VIT: variants seen among roughly 807,000 people sequenced by gnomAD.
The protein encoded by VIT is vitrin.
In VIT, 99 loss-of-function variants were observed where a neutral mutation model predicts 78.0. The observed-to-expected ratio is 1.27, with a 90% CI of 1.08 to 1.50. The LOEUF (loss-of-function observed/expected upper bound fraction) is 1.50. Ranked by LOEUF, VIT falls within the 40% of genes most tolerant of loss-of-function variation. The pLI, the probability that VIT is intolerant of heterozygous loss-of-function variation, is 0.00. For synonymous variants in VIT, 374 were observed against 334.3 expected, an observed-to-expected ratio of 1.12 and a Z score of -1.29; for missense variants, 1,126 against 875.3, an observed-to-expected ratio of 1.29 and a Z score of -3.61.
intron 7 of VIT, among the ~76,000 whole-genome samples, chr2:36,770,863 G>A (rs1421297044): frequency 6.6e-6 from 1 of 152,200 alleles, no homozygotes; most frequent in African/African-American, 2.4e-5. Context: ...ACAACCAAGG[G>A]TAGACCAGGG....
chr2:36,725,526 A>G (rs1314618455), intron 2 of VIT, among the ~76,000 whole-genome samples: 1 of 131,118 alleles, frequency 7.6e-6, no homozygotes, highest in African/African-American at 3.0e-5. Flanking sequence ...AAGACCTGTG[A>G]CCTCCCAAAG....
chr2:36,755,288 A>G (rs1668697425), intron 5 of VIT, among the ~76,000 whole-genome samples: 1 of 152,246 alleles, frequency 6.6e-6, no homozygotes, highest in South Asian at 2.1e-4. Context: ...ATTACACTGC[A>G]GTTATCTGTA....
At chr2:36,757,544 C>T (rs1431833340) in intron 5 of VIT, among the ~76,000 whole-genome samples, 4 of 152,312 alleles carry the variant, frequency 2.6e-5, no homozygotes, top group Non-Finnish European at 5.9e-5. Context: ...GGCCCACAGC[C>T]ATGGGGCCCT....
rs1669842425 is a variant in VIT, at chr2:36,772,879, C to T, written c.680-912C>T. Among the ~76,000 whole-genome samples, 3 of 152,230 alleles carry T rather than the reference C, an allele frequency of 2.0e-5. No homozygotes were observed. The South Asian group carries it at 6.2e-4, about 32-fold the overall frequency. Reference sequence around the variant, plus strand: ...CCCCTTCATGACATTTGGTTATTTCCGTCAGCTGGGTTTTACGTGCCTCTC... The same window carrying T: ...CCCCTTCATGACATTTGGTTATTTCTGTCAGCTGGGTTTTACGTGCCTCTC... On this transcript the variant is annotated intron_variant, in intron 7 of 15. Coordinates refer to ENST00000379242, the MANE Select transcript of VIT (RefSeq NM_053276.4).
intron 1 of VIT, 77 bp from the exon 2 acceptor site, chr2:36,716,276 T>C (rs4670598): frequency 0.98 from 1,171,722 of 1,190,854 alleles, 578,560 homozygotes; most frequent in East Asian, 1. Context: ...TGATGCAGTC[T>C]ATCCCCACAC....
At chr2:36,713,557 G>A (rs1665939287) in intron 1 of VIT, among the ~76,000 whole-genome samples, 1 of 152,180 alleles carries the variant, frequency 6.6e-6, no homozygotes, top group South Asian at 2.1e-4. Flanking sequence ...CTGCTCTGTG[G>A]ACTGCAGAGG....
chr2:36,722,270 G>A (rs981779335), intron 2 of VIT, among the ~76,000 whole-genome samples: 2 of 152,140 alleles, frequency 1.3e-5, no homozygotes, highest in South Asian at 4.1e-4. Flanking sequence ...GGAGTAAAGA[G>A]GCCGACACTG....
intron 3 of VIT, among the ~76,000 whole-genome samples, chr2:36,731,315 C>G (rs914315792): frequency 2.0e-5 from 3 of 152,084 alleles, no homozygotes; most frequent in African/African-American, 7.2e-5. Context: ...CACTCTGTCG[C>G]CAGGCTGGAG....
intron 12 of VIT, among the ~76,000 whole-genome samples, chr2:36,795,873 G>A (rs993602788): frequency 2.0e-5 from 3 of 152,190 alleles, no homozygotes; most frequent in Non-Finnish European, 4.4e-5. Flanking sequence ...AAGCTGGGTT[G>A]TGGCTTGCAG....
chr2:36,779,610 G>A (rs1028580380), intron 9 of VIT, among the ~76,000 whole-genome samples: 1 of 152,040 alleles, frequency 6.6e-6, no homozygotes, highest in Non-Finnish European at 1.5e-5. Flanking sequence ...TCTTCCTGAT[G>A]CTCTCCCTCC....
chr2:36,782,116 T>C (rs1428543233), intron 10 of VIT, among the ~76,000 whole-genome samples: 1 of 152,202 alleles, frequency 6.6e-6, no homozygotes, highest in East Asian at 1.9e-4. Context: ...CTTTGCAAAA[T>C]GGCTTTCAGG....
intron 13 of VIT, 79 bp from the exon 14 acceptor site, chr2:36,805,359 C>T: frequency 7.2e-7 from 1 of 1,394,672 alleles, no homozygotes; most frequent in Non-Finnish European, 9.5e-7. Context: ...TTTTCTGGAC[C>T]TCTTTGTGCT....
chr2:36,758,422 C>T lies in VIT; in HGVS notation c.410-547C>T, dbSNP rs566949529. ...TATGCTTATTTTTTTCCCTAATAGA[C>T]GTTACCATTCCTCTTCCTTGCCTGC... On this transcript the variant is annotated intron_variant, in intron 5 of 15. Transcript: ENST00000379242. Among the ~76,000 whole-genome samples the T allele has an allele frequency of 1.9e-4, 29 of 152,254 alleles. 2 individuals are homozygous for T. The South Asian group carries it at 5.4e-3, about 28-fold the overall frequency.
chr2:36,807,739 A>T (rs866728719), intron 14 of VIT, among the ~76,000 whole-genome samples: 2 of 152,030 alleles, frequency 1.3e-5, no homozygotes, highest in South Asian at 2.1e-4. Flanking sequence ...CAGCTGCCTT[A>T]TTTTTTTCTG....
intron 4 of VIT, among the ~76,000 whole-genome samples, chr2:36,752,369 A>G (rs4670600): frequency 0.87 from 132,105 of 152,104 alleles, 57,456 homozygotes; most frequent in Admixed American, 0.92. Context: ...TGGCCCTAGC[A>G]GTGAACTATC....
intron 6 of VIT, among the ~76,000 whole-genome samples, chr2:36,762,816 C>T (rs1429200936): frequency 2.0e-5 from 3 of 152,088 alleles, no homozygotes; most frequent in Admixed American, 6.6e-5. Context: ...AATTATCCCC[C>T]TCAAAAAATA....
At position 36,801,397 on chromosome 2, in the gene VIT, T is replaced by C. The variant is rs1424063325; in HGVS notation, c.1155T>C (p.Ser385=). 1 of 1,609,504 alleles carries C rather than the reference T, an allele frequency of 6.2e-7. No homozygotes were observed. Among genetic ancestry groups the C allele is most frequent in the Non-Finnish European group, 8.5e-7 (1 of 1,176,116 alleles). ...IEKITQRGGL[S]NVGRAISFVT... ...AAATTACTCAGAGAGGAGGACTTTCTAATGTAGGTATGTGATCCGGATTCA... is the reference window on the plus strand; with the variant it reads ...AAATTACTCAGAGAGGAGGACTTTCCAATGTAGGTATGTGATCCGGATTCA... Residue 385 remains serine, a synonymous_variant, in exon 13 of 16, where the codon TCT becomes TCC. Coordinates refer to ENST00000379242, the MANE Select transcript of VIT (RefSeq NM_053276.4).
chr2:36,810,384 CT>C (rs1334442079), intron 15 of VIT, among the ~76,000 whole-genome samples: 2 of 152,204 alleles, frequency 1.3e-5, no homozygotes, highest in East Asian at 3.8e-4. Context: ...CAAAATATGT[CT>C]GTAAATGTTT....
intron 15 of VIT, among the ~76,000 whole-genome samples, chr2:36,810,459 G>A (rs767699247): frequency 3.6e-4 from 54 of 152,106 alleles, no homozygotes; most frequent in Non-Finnish European, 7.1e-4. Context: ...TCCAAAAAGT[G>A]TCATAAGTTA....
Sources: allele counts gnomAD v4.1 joint callset (sites outside exome capture counted in the v4.1 genomes callset), GRCh38; gene constraint gnomAD v4.1.1; transcripts MANE v1.5; gene names NCBI Gene and HGNC (gene_info 2026-07-23, HGNC 2026-07-21).